The following VANGL1 variants were observed in gnomAD, a reference collection of about 807,000 sequenced individuals.
VANGL1 encodes VANGL planar cell polarity protein 1, also known as vang-like protein 1.
VANGL1 carries 18 observed loss-of-function variants against 48.4 expected under a neutral mutation model. That is an observed-to-expected ratio of 0.37 (90% CI 0.26 to 0.55). The LOEUF (loss-of-function observed/expected upper bound fraction) is 0.55, where lower values mean the gene tolerates loss of function less well. Among genes scored for constraint, VANGL1 ranks in the 20% least tolerant of loss-of-function variants. The pLI, the probability that VANGL1 is intolerant of heterozygous loss-of-function variation, is 0.81. For missense variants in VANGL1, 667 were observed against 675.8 expected (o/e 0.99, Z 0.14); for synonymous variants, 257 against 261.8 (o/e 0.98, Z 0.18).
intron 2 of VANGL1, among the ~76,000 whole-genome samples, chr1:115,656,237 G>A (rs1474905919): frequency 8.5e-5 from 13 of 152,146 alleles, no homozygotes; most frequent in African/African-American, 1.7e-4. Context: ...TAATAAAGCG[G>A]TGCTGTGTAT....
intron 3 of VANGL1, among the ~76,000 whole-genome samples, chr1:115,662,091 G>A (rs1045538245): frequency 3.9e-5 from 6 of 152,174 alleles, no homozygotes; most frequent in Admixed American, 6.5e-5. Context: ...TCTGGCCATC[G>A]TCTGAAATAG....
intron 6 of VANGL1, 104 bp from the exon 7 acceptor site, chr1:115,685,189 G>T: frequency 1.6e-6 from 2 of 1,228,966 alleles, no homozygotes; most frequent in Non-Finnish European, 1.2e-6. Context: ...TGGGCCTTGG[G>T]TATGTTGGCA....
chr1:115,690,458 G>A (rs1653786435), intron 7 of VANGL1, among the ~76,000 whole-genome samples: 1 of 152,228 alleles, frequency 6.6e-6, no homozygotes, highest in Non-Finnish European at 1.5e-5. Flanking sequence ...GGCATCCCCT[G>A]GACTGGCCAT....
Position 115,664,208 on chromosome 1 carries a change from C to T in VANGL1, c.752C>T (p.Thr251Met), listed in dbSNP as rs201630629. The part of the protein sequence containing the change: ...LELRQLQPMF[T>M]LQVVRSTDGE... ...CTCAGGCAGCTGCAGCCCATGTTCA[C>T]GCTGCAGGTGGTCCGCTCCACCGAT... The change falls in exon 4 of 8, where the codon ACG becomes ATG. Residue 251 changes from threonine to methionine, a missense_variant. Coordinates refer to ENST00000355485, the MANE Select transcript of VANGL1 (RefSeq NM_138959.3). 3.0e-5 allele frequency: 49 copies of T among 1,613,950 alleles called. No homozygotes were observed. Among genetic ancestry groups the T allele is most frequent in the South Asian group, 1.4e-4 (13 of 91,072 alleles).
At position 115,683,232 on chromosome 1, in the gene VANGL1, T is replaced by TA. The variant is rs568072945; in HGVS notation, c.947-707dup. ...GGATTGATAAATTTCACCTGTGATC[T>TA]AAAAACTTAGGAAAGATTCCCACTA... On this transcript the variant is annotated intron_variant, in intron 5 of 7. Coordinates refer to ENST00000355485, the MANE Select transcript of VANGL1 (RefSeq NM_138959.3). Among the ~76,000 whole-genome samples the TA allele has an allele frequency of 1.7e-3, 252 of 152,340 alleles. 2 individuals are homozygous for TA. The highest frequency in any genetic ancestry group is 5.0e-3 in the Admixed American group (77 of 15,306).
chr1:115,654,498 TAAAAAAA>T (rs869142756), intron 2 of VANGL1, among the ~76,000 whole-genome samples: 6 of 90,808 alleles, frequency 6.6e-5, no homozygotes, highest in African/African-American at 2.3e-4. Context: ...TTGGTAGGGC[TAAAAAAA>T]AAAAAAAAAA....
intron 4 of VANGL1, among the ~76,000 whole-genome samples, chr1:115,666,104 G>C (rs1304820280): frequency 6.6e-6 from 1 of 152,230 alleles, no homozygotes; most frequent in African/African-American, 2.4e-5. Flanking sequence ...ATCCGGCTGT[G>C]GTCTCAGTGG....
chr1:115,683,291 G>T (rs1448931049), intron 5 of VANGL1, among the ~76,000 whole-genome samples: 1 of 152,186 alleles, frequency 6.6e-6, no homozygotes, highest in African/African-American at 2.4e-5. Flanking sequence ...TAGATCATCC[G>T]TAAGAAAGCC....
chr1:115,654,593 G>A (rs2101314246), intron 2 of VANGL1, among the ~76,000 whole-genome samples: 1 of 151,492 alleles, frequency 6.6e-6, no homozygotes, highest in Admixed American at 6.6e-5. Flanking sequence ...CAGCTGAAAT[G>A]TGTGATTCAA....
intron 1 of VANGL1, among the ~76,000 whole-genome samples, chr1:115,644,462 A>G (rs1418311470): frequency 6.6e-6 from 1 of 152,180 alleles, no homozygotes; most frequent in Non-Finnish European, 1.5e-5. Flanking sequence ...TATTTTCCTT[A>G]AGATGGAAAA....
At chr1:115,645,872 A>G (rs1651893537) in intron 1 of VANGL1, among the ~76,000 whole-genome samples, 1 of 152,126 alleles carries the variant, frequency 6.6e-6, no homozygotes, top group African/African-American at 2.4e-5. Context: ...AGGAAGCAAA[A>G]TCTCTCTTTA....
rs919907672 is a variant in VANGL1, at chr1:115,688,153, T to A, written c.1314+2626T>A. Among the ~76,000 whole-genome samples the A allele has an allele frequency of 8.7e-5, 12 of 138,344 alleles. 1 individual carries two copies. The highest frequency in any genetic ancestry group is 9.5e-5 in the Non-Finnish European group (6 of 63,410). The allele number at this position is 138,344 out of a possible 152,430, so 90.8% of individuals were successfully genotyped here. A position where few individuals can be genotyped will look rare whatever the true frequency, so the allele number is the denominator to read the frequency against. On this transcript the variant is annotated intron_variant, in intron 7 of 7. Transcript: ENST00000355485. ...AGAGAGATATAGATATATAAAACTT[T>A]GCTTTTTTTTCTTAAAGTCATCCGT...
At chr1:115,644,513 ATATTGGTTTGGTGTTAGCAG>A (rs1382313738) in intron 1 of VANGL1, among the ~76,000 whole-genome samples, 1 of 152,140 alleles carries the variant, frequency 6.6e-6, no homozygotes, top group African/African-American at 2.4e-5. Context: ...TCTGTTAGCA[ATATTGGTTTGGTGTTAGCAG>A]TATTGGTTTG....
chr1:115,668,631 C>T (rs1422437525), intron 4 of VANGL1, among the ~76,000 whole-genome samples: 1 of 152,236 alleles, frequency 6.6e-6, no homozygotes, highest in East Asian at 1.9e-4. Flanking sequence ...GGATTGGGCT[C>T]AGCCAGGAGG....
intron 1 of VANGL1, among the ~76,000 whole-genome samples, chr1:115,644,219 C>T (rs1472521201): frequency 1.3e-5 from 2 of 152,238 alleles, no homozygotes; most frequent in Non-Finnish European, 2.9e-5. Flanking sequence ...AGCCCTGGCT[C>T]CTGTGGCAGT....
chr1:115,643,905 A>G (rs937847378), intron 1 of VANGL1, among the ~76,000 whole-genome samples: 1 of 152,074 alleles, frequency 6.6e-6, no homozygotes, highest in South Asian at 2.1e-4. Flanking sequence ...TTTTGGTGGG[A>G]TGGGCCCTTG....
At chr1:115,644,330 C>T (rs1651836378) in intron 1 of VANGL1, among the ~76,000 whole-genome samples, 1 of 152,176 alleles carries the variant, frequency 6.6e-6, no homozygotes, top group Non-Finnish European at 1.5e-5. Context: ...AAAACAGCAT[C>T]TAACACATAG....
intron 3 of VANGL1, among the ~76,000 whole-genome samples, chr1:115,660,493 G>C (rs1057190902): frequency 1.3e-5 from 2 of 152,190 alleles, no homozygotes; most frequent in Non-Finnish European, 1.5e-5. Flanking sequence ...TTGAAATACT[G>C]ATACTTTATT....
In VANGL1 at chr1:115,694,027, T is replaced by A. The variant is rs1337861432; in HGVS notation, c.*2648T>A. Reference sequence around the variant, plus strand: ...GAGTCTATATCTGAGATTGCTCTCTTCCCTGGTGATGTTTTAACTGGTAGA... The same window carrying A: ...GAGTCTATATCTGAGATTGCTCTCTACCCTGGTGATGTTTTAACTGGTAGA... On this transcript the variant is annotated 3_prime_UTR_variant, in exon 8 of 8. Transcript: ENST00000355485. 2 of 152,244 alleles carry A rather than the reference T, an allele frequency of 1.3e-5. No homozygotes were observed. Among genetic ancestry groups the A allele is most frequent in the Non-Finnish European group, 2.9e-5 (2 of 68,040 alleles). 9.4% of individuals were successfully genotyped at this position (152,244 alleles called of 1,614,324 possible). A position where few individuals can be genotyped will look rare whatever the true frequency, so the allele number is the denominator to read the frequency against.
Sources: gnomAD v4.1 joint callset for allele counts (sites outside exome capture counted in the v4.1 genomes callset) on GRCh38, gnomAD v4.1.1 for gene constraint, MANE v1.5 for transcripts, NCBI Gene and HGNC (gene_info 2026-07-23, HGNC 2026-07-21) for gene names.